KALRN: variants seen among roughly 807,000 people sequenced by gnomAD.
KALRN encodes kalirin.
KALRN carries 70 observed loss-of-function variants against 353.7 expected under a neutral mutation model. That is an observed-to-expected ratio of 0.20 (90% confidence interval 0.16 to 0.24). KALRN has a LOEUF of 0.24. KALRN is among the 10% of genes least tolerant of loss of function. The pLI is 1.00. For missense variants in KALRN, 2,791 were observed against 3,756.7 expected (o/e 0.74, Z 6.72); for synonymous variants, 1,391 against 1,434.8 (o/e 0.97, Z 0.69).
At chr3:124,236,221 G>T (rs1313239693) in intron 3 of KALRN, among the ~76,000 whole-genome samples, 1 of 152,030 alleles carries the variant, frequency 6.6e-6, no homozygotes, top group African/African-American at 2.4e-5. Flanking sequence ...AAAGGGATTT[G>T]GGTTATATCT....
Position 124,454,575 on chromosome 3 carries a change from T to C in KALRN, c.3553-602T>C, listed in dbSNP as rs2059116440. 2.0e-5 allele frequency among the ~76,000 whole-genome samples: 3 copies of C among 152,214 alleles called. No homozygotes were observed. The South Asian group carries it at 6.2e-4, about 32-fold the overall frequency. On this transcript the variant is annotated intron_variant, in intron 21 of 59. Coordinates refer to ENST00000682506, the MANE Select transcript of KALRN (RefSeq NM_001388419.1). ...CACTGTACTAAGCATTCTACATTTG[T>C]CAACTCATTTAATACACCAGCCCTC... is the stretch of plus-strand genomic sequence containing the variant.
chr3:124,209,445 C>T (rs1480408715), intron 1 of KALRN, among the ~76,000 whole-genome samples: 1 of 144,930 alleles, frequency 6.9e-6, no homozygotes, highest in South Asian at 2.3e-4. Context: ...GCCGAGATCT[C>T]GCCACTGCAC....
intron 47 of KALRN, among the ~76,000 whole-genome samples, chr3:124,667,809 A>G (rs1161188320): frequency 6.6e-6 from 1 of 152,144 alleles, no homozygotes; most frequent in Non-Finnish European, 1.5e-5. Context: ...ACTGGAGTGA[A>G]GTAGAGTTGC....
intron 51 of KALRN, among the ~76,000 whole-genome samples, chr3:124,685,068 AGT>A (rs1043073073): frequency 1.3e-5 from 2 of 152,136 alleles, no homozygotes; most frequent in Non-Finnish European, 2.9e-5. Context: ...TGGCATCCCC[AGT>A]GTGTGTCCAC....
intron 1 of KALRN, among the ~76,000 whole-genome samples, chr3:124,219,113 G>T (rs746482653): frequency 2.6e-5 from 4 of 152,224 alleles, no homozygotes; most frequent in Non-Finnish European, 5.9e-5. Flanking sequence ...AAGGTGTCAT[G>T]ACACTTGGGA....
At chr3:124,491,061 G>A (rs557862837) in intron 30 of KALRN, among the ~76,000 whole-genome samples, 177 bp downstream of exon 30, 3 of 152,210 alleles carry the variant, frequency 2.0e-5, no homozygotes, top group East Asian at 3.9e-4. Context: ...CGTCTGCATT[G>A]TAGAGTTCAC....
At chr3:124,117,569 T>C (rs2063569546) in intron 1 of KALRN, among the ~76,000 whole-genome samples, 1 of 152,130 alleles carries the variant, frequency 6.6e-6, no homozygotes, top group Non-Finnish European at 1.5e-5. Flanking sequence ...GCTAAAATAA[T>C]GCACTCTTGT....
intron 3 of KALRN, among the ~76,000 whole-genome samples, chr3:124,260,200 C>T (rs1386898563): frequency 6.6e-6 from 1 of 152,210 alleles, no homozygotes; most frequent in Non-Finnish European, 1.5e-5. Context: ...ATTAATGTAG[C>T]AAGCTAACAA....
chr3:124,674,648 T>C, intron 49 of KALRN, 34 bp downstream of exon 49: 2 of 1,509,298 alleles, frequency 1.3e-6, no homozygotes, highest in Non-Finnish European at 1.8e-6. Flanking sequence ...GGGAGAGGAG[T>C]ATGAGGATTA....
Position 124,632,579 on chromosome 3 carries a change from A to G in KALRN, c.5342A>G (p.Asn1781Ser). The G allele has an allele frequency of 1.2e-6, 2 of 1,614,208 alleles. No individual in the cohort carries two copies. The highest frequency in any genetic ancestry group is 1.7e-6 in the Non-Finnish European group (2 of 1,180,028). ...CTGACGAGTCCTGTGCGTCGGCTTA[A>G]CAGCGGGAAGGCAGATGGAAACATC... ...KWLTSPVRRLNSGKADGNIKK... is the reference protein window; with the variant it reads ...KWLTSPVRRLSSGKADGNIKK... Residue 1781 changes from asparagine to serine, a missense_variant, in exon 35 of 60, where the codon AAC becomes AGC. Physicochemically the swap from Asn to Ser is conservative, Grantham distance 46 (BLOSUM62 1). This residue lies in a region of KALRN where 1,065 missense variants were observed against 1,156.4 expected (regional missense o/e 0.92). Transcript: ENST00000682506.
intron 5 of KALRN, among the ~76,000 whole-genome samples, chr3:124,295,359 G>A (rs1270320117): frequency 1.3e-5 from 2 of 152,208 alleles, no homozygotes; most frequent in African/African-American, 2.4e-5. Flanking sequence ...AAATGTAGGA[G>A]GCAAAATCAG....
At position 124,234,940 on chromosome 3, in the gene KALRN, C is replaced by T. The variant is rs2079570141; in HGVS notation, c.260C>T (p.Pro87Leu). ...RKLVTYLASV[P>L]SEDVCKRGFT... ...CTCGTGACGTATTTGGCCAGCGTGC[C>T]AAGGTAAGGGGAAGGGGAATGGCCT... The change falls in exon 3 of 60, where the codon CCA becomes CTA. Residue 87 changes from proline (P) to leucine (L), a missense_variant. Around this residue, in one of 11 missense-constraint regions of KALRN, gnomAD observed 110 missense variants for 204.1 expected, o/e 0.54. Coordinates refer to ENST00000682506, the MANE Select transcript of KALRN (RefSeq NM_001388419.1). 1.3e-6 allele frequency: 2 copies of T among 1,595,320 alleles called. No individual in the cohort carries two copies. The highest frequency in any genetic ancestry group is 1.3e-5 in the African/African-American group (1 of 74,524).
intron 1 of KALRN, among the ~76,000 whole-genome samples, chr3:124,073,390 A>G (rs973562452): frequency 2.6e-5 from 4 of 152,232 alleles, no homozygotes; most frequent in African/African-American, 9.6e-5. Flanking sequence ...GGCAGCAGTG[A>G]CATTGACACA....
At chr3:124,572,986 G>T (rs1224684341) in intron 34 of KALRN, among the ~76,000 whole-genome samples, 1 of 152,040 alleles carries the variant, frequency 6.6e-6, no homozygotes, top group South Asian at 2.1e-4. Flanking sequence ...GCAGTGAGCT[G>T]CCATTGAGCC....
intron 47 of KALRN, 78 bp downstream of exon 47, chr3:124,667,261 A>G (rs548574963): frequency 7.9e-7 from 1 of 1,265,816 alleles, no homozygotes; most frequent in East Asian, 2.5e-5. Flanking sequence ...GTCTAGGTTC[A>G]TGTTGAGTTA....
At chr3:124,621,711 T>C (rs1212059795) in intron 34 of KALRN, among the ~76,000 whole-genome samples, 1 of 152,228 alleles carries the variant, frequency 6.6e-6, no homozygotes, top group Admixed American at 6.5e-5. Flanking sequence ...GGCACCAAGA[T>C]GGCTAACCAG....
intron 25 of KALRN, among the ~76,000 whole-genome samples, chr3:124,462,984 T>C (rs2059992143): frequency 1.3e-5 from 2 of 152,208 alleles, no homozygotes; most frequent in African/African-American, 4.8e-5. Context: ...CATTCCACCT[T>C]GTGATCTTTA....
At chr3:124,681,156 T>G (rs1235582504) in intron 51 of KALRN, among the ~76,000 whole-genome samples, 1 of 152,170 alleles carries the variant, frequency 6.6e-6, no homozygotes. Flanking sequence ...GTTCCCACTC[T>G]GTAGGAAGAA....
At position 124,466,687 on chromosome 3, in the gene KALRN, A is replaced by G. The variant is rs148464395; in HGVS notation, c.4031+4054A>G. 6.5e-3 allele frequency among the ~76,000 whole-genome samples: 985 copies of G among 152,276 alleles called. 6 individuals carry two copies. The highest frequency in any genetic ancestry group is 0.01 in the Non-Finnish European group (683 of 68,016). On this transcript the variant is annotated intron_variant, in intron 25 of 59. Coordinates refer to ENST00000682506, the MANE Select transcript of KALRN (RefSeq NM_001388419.1). The stretch of plus-strand genomic sequence containing the variant: ...TCAACCATCAAGTACAACCCTCTCC[A>G]TGTACAGACAAGGAGACAATCCCAG...
Sources: gnomAD v4.1 joint callset for allele counts (sites outside exome capture counted in the v4.1 genomes callset) on GRCh38, gnomAD v4.1.1 for gene constraint, gnomAD v4.1.1 regional missense constraint, MANE v1.5 for transcripts, NCBI Gene and HGNC (gene_info 2026-07-23, HGNC 2026-07-21) for gene names.